Variants in CCDC7 observed in about 807,000 individuals in gnomAD.
CCDC7 encodes coiled-coil domain-containing protein 7.
Under a neutral mutation model 196.9 loss-of-function variants are expected in CCDC7, and 183 were observed. The observed-to-expected ratio is 0.93, with a 90% CI of 0.82 to 1.05. The LOEUF is 1.05. CCDC7 is among the 50% of genes least tolerant of loss of function. The pLI is 0.00. For synonymous variants in CCDC7, 525 were observed against 484.6 expected (o/e 1.08, Z -1.10); for missense variants, 1,540 against 1,482.2 (o/e 1.04, Z -0.64).
chr10:32,696,575 G>A (rs1475793293), intron 24 of CCDC7, among the ~76,000 whole-genome samples: 1 of 151,918 alleles, frequency 6.6e-6, no homozygotes, highest in Non-Finnish European at 1.5e-5. Context: ...AGCAGCATTT[G>A]TATTAGTTAT....
At chr10:32,680,225 G>A (rs916822887) in intron 21 of CCDC7, among the ~76,000 whole-genome samples, 5 of 152,082 alleles carry the variant, frequency 3.3e-5, no homozygotes, top group Non-Finnish European at 2.9e-5. Context: ...GGGCAGGTTC[G>A]CAGTCTTCCT....
At chr10:32,446,945 T>TCCTC (rs71027089), upstream of CCDC7, among the ~76,000 whole-genome samples, 87 of 90,138 alleles carry the variant, frequency 9.7e-4, 2 homozygotes, top group African/African-American at 2.9e-3. Context: ...CCTCTTCCCT[T>TCCTC]CCTCCCTCCC....
chr10:32,693,691 T>A (rs2077349460), intron 23 of CCDC7, among the ~76,000 whole-genome samples: 1 of 152,174 alleles, frequency 6.6e-6, no homozygotes, highest in Non-Finnish European at 1.5e-5. Context: ...AGGCACATGG[T>A]CTGGAGTTAG....
intron 13 of CCDC7, among the ~76,000 whole-genome samples, chr10:32,561,324 C>T (rs187531249): frequency 6.6e-6 from 1 of 152,286 alleles, no homozygotes; most frequent in East Asian, 1.9e-4. Flanking sequence ...CAGAACTCTC[C>T]ACCCCAAATC....
chr10:32,484,191 A>G (rs2203974), intron 8 of CCDC7, among the ~76,000 whole-genome samples: 2 of 151,900 alleles, frequency 1.3e-5, no homozygotes, highest in Non-Finnish European at 2.9e-5. Context: ...GTTTGTAGTT[A>G]TCTTTGAAGA....
At chr10:32,451,671 C>T (rs1334075983) in exon 1 of CCDC7, 1 of 1,610,638 alleles carries the variant, frequency 6.2e-7, no homozygotes, top group Non-Finnish European at 8.5e-7. Context: ...CTGTTGACCA[C>T]CAGTAACAAA....
chr10:32,705,546 C>G (rs1443178592), intron 24 of CCDC7, among the ~76,000 whole-genome samples: 1 of 152,016 alleles, frequency 6.6e-6, no homozygotes, highest in Admixed American at 6.5e-5. Flanking sequence ...GAGTCAAGAC[C>G]CATCAGTGTG....
At chr10:32,848,600 G>T (rs1489295078) in exon 39 of CCDC7, 2 of 1,477,894 alleles carry the variant, frequency 1.4e-6, no homozygotes, top group African/African-American at 2.7e-5. Context: ...TTTTAGATGT[G>T]AACTTATTTA....
chr10:32,471,121 A>G lies in CCDC7; in HGVS notation c.568A>G (p.Ile190Val), dbSNP rs774895094. 13 of 1,612,346 alleles carry G rather than the reference A, an allele frequency of 8.1e-6. No homozygotes were observed. The South Asian group carries it at 8.8e-5, about 11-fold the overall frequency. The change falls in exon 6 of 42, where the codon ATT (isoleucine) becomes GTT (valine). Residue 190 changes from isoleucine (I) to valine (V), a missense_variant. Ile to Val is a conservative substitution (Grantham distance 29, BLOSUM62 3). Coordinates refer to ENST00000639629, the Ensembl canonical transcript of CCDC7. ...GCCTCCAAAACCTGACAAAACAGTC[A>G]TTTTAAATATTGCAGAAATAGTAAG... is the stretch of plus-strand genomic sequence containing the variant.
At chr10:32,661,647 G>A (rs1471555919) in intron 20 of CCDC7, among the ~76,000 whole-genome samples, 6 of 152,054 alleles carry the variant, frequency 3.9e-5, no homozygotes, top group African/African-American at 1.2e-4. Context: ...TTCCCTTTTG[G>A]CCCAGGATGT....
intron 11 of CCDC7, among the ~76,000 whole-genome samples, chr10:32,542,180 ATCT>A (rs1164707265): frequency 6.6e-6 from 1 of 152,188 alleles, no homozygotes; most frequent in Non-Finnish European, 1.5e-5. Context: ...TTATAAAATG[ATCT>A]TCTACTACAC....
intron 13 of CCDC7, among the ~76,000 whole-genome samples, chr10:32,559,965 T>C (rs1257833290): frequency 6.6e-6 from 1 of 151,878 alleles, no homozygotes; most frequent in African/African-American, 2.4e-5. Context: ...ACCAATACAG[T>C]GAAGTGCTTA....
At chr10:32,488,603 G>T (rs1049601547) in intron 8 of CCDC7, among the ~76,000 whole-genome samples, 1 of 152,144 alleles carries the variant, frequency 6.6e-6, no homozygotes, top group African/African-American at 2.4e-5. Flanking sequence ...GACTGGAGCT[G>T]TTCCTATTTG....
intron 21 of CCDC7, among the ~76,000 whole-genome samples, chr10:32,681,502 G>C (rs780610201): frequency 2.0e-5 from 3 of 152,096 alleles, no homozygotes; most frequent in Non-Finnish European, 2.9e-5. Context: ...AAGGCGATTA[G>C]ACTAAAAATG....
intron 30 of CCDC7, among the ~76,000 whole-genome samples, chr10:32,812,325 T>G (rs2087342261): frequency 6.6e-6 from 1 of 151,982 alleles, no homozygotes; most frequent in Non-Finnish European, 1.5e-5. Context: ...TAATACAAAT[T>G]GGAAATATAT....
intron 25 of CCDC7, among the ~76,000 whole-genome samples, chr10:32,722,803 A>G (rs1243446136): frequency 6.6e-6 from 1 of 152,008 alleles, no homozygotes; most frequent in Non-Finnish European, 1.5e-5. Context: ...CCCTCCCATC[A>G]TAGTGTTAGG....
chr10:32,558,456 G>T (rs1012136582), intron 13 of CCDC7, among the ~76,000 whole-genome samples: 1 of 151,990 alleles, frequency 6.6e-6, no homozygotes, highest in African/African-American at 2.4e-5. Flanking sequence ...AGAATCTGGG[G>T]CTCCCTATCT....
chr10:32,589,678 G>T (rs1485803713), intron 18 of CCDC7, among the ~76,000 whole-genome samples: 2 of 152,082 alleles, frequency 1.3e-5, no homozygotes, highest in African/African-American at 4.8e-5. Flanking sequence ...CTGTATTTGG[G>T]TCTATGTCTT....
chr10:32,737,824 A>G (rs1210317722), intron 28 of CCDC7, among the ~76,000 whole-genome samples: 3 of 152,156 alleles, frequency 2.0e-5, no homozygotes, highest in African/African-American at 4.8e-5. Context: ...CATTGTCTCA[A>G]ATTAATATAG....
Sources: gnomAD v4.1 joint callset for allele counts (sites outside exome capture counted in the v4.1 genomes callset) on GRCh38, gnomAD v4.1.1 for gene constraint, MANE v1.5 for transcripts, NCBI Gene and HGNC (gene_info 2026-07-23, HGNC 2026-07-21) for gene names.